ABCC5: variants seen among roughly 807,000 people sequenced by gnomAD.
The protein encoded by ABCC5 is ATP binding cassette subfamily C member 5, also known as ATP-binding cassette sub-family C member 5.
ABCC5 carries 61 observed loss-of-function variants against 160.9 expected under a neutral mutation model. That is an observed-to-expected ratio of 0.38 (90% CI 0.31 to 0.47). ABCC5 has a LOEUF of 0.47. Among genes scored for constraint, ABCC5 ranks in the 20% least tolerant of loss-of-function variants. The pLI is 0.99. For missense variants in ABCC5, 1,308 were observed against 1,813.3 expected, an observed-to-expected ratio of 0.72 and a Z score of 5.06; for synonymous variants, 666 against 700.6, an observed-to-expected ratio of 0.95 and a Z score of 0.78.
At chr3:183,989,444 G>A (rs1257565102) in intron 2 of ABCC5, 61 bp from the exon 3 acceptor site, 54 of 1,564,048 alleles carry the variant, frequency 3.5e-5, no homozygotes, top group Middle Eastern at 4.1e-4. Context: ...AGAGGCAAAC[G>A]GAACTGATGA....
chr3:183,957,896 G>A (rs10937156), intron 17 of ABCC5, among the ~76,000 whole-genome samples: 2 of 100,926 alleles, frequency 2.0e-5, no homozygotes, highest in Non-Finnish European at 4.2e-5. Flanking sequence ...ATATCACATC[G>A]GTTACATGCG....
chr3:183,973,031 C>T (rs1456424069), intron 10 of ABCC5, among the ~76,000 whole-genome samples: 6 of 147,642 alleles, frequency 4.1e-5, no homozygotes, highest in South Asian at 2.1e-4. Flanking sequence ...AGGATTTTCC[C>T]GTAAGACTTT....
chr3:183,956,520 G>T (rs1462455652), intron 17 of ABCC5, among the ~76,000 whole-genome samples: 149 of 129,150 alleles, frequency 1.2e-3, no homozygotes, highest in African/African-American at 4.5e-3. Context: ...ATATCACATC[G>T]GTTACATGCA....
At chr3:183,992,567 C>T (rs1204450769) in intron 2 of ABCC5, among the ~76,000 whole-genome samples, 2 of 152,018 alleles carry the variant, frequency 1.3e-5, no homozygotes, top group Admixed American at 6.6e-5. Context: ...GGGCGGATCA[C>T]GAGGTCAGGA....
In ABCC5 at chr3:183,927,660, AC is replaced by A. The variant is rs1712720111; in HGVS notation, c.3934-218del. The A allele has an allele frequency of 5.1e-6, 5 of 985,444 alleles. No homozygotes were observed. In the Admixed American group the frequency reaches 3.1e-4, roughly 61 times the overall value. 61.0% of individuals were successfully genotyped at this position (985,444 alleles called of 1,614,324 possible). On this transcript the variant is annotated intron_variant, in intron 27 of 29. Coordinates refer to ENST00000334444, the MANE Select transcript of ABCC5 (RefSeq NM_005688.4). ...CAATAGACTATTCTGTTAGCTTTAT[AC>A]CATTAAAACATCCCAGAAATCCCAA...
At chr3:183,964,061 G>A (rs1490523455) in intron 14 of ABCC5, among the ~76,000 whole-genome samples, 1 of 152,126 alleles carries the variant, frequency 6.6e-6, no homozygotes, top group East Asian at 1.9e-4. Flanking sequence ...CACATCCTGG[G>A]ACCTAAGCCA....
At position 183,971,550 on chromosome 3, in the gene ABCC5, G is replaced by A. The variant is rs769083683; in HGVS notation, c.1761+13C>T. On this transcript the variant is annotated intron_variant, in intron 11 of 29. Coordinates refer to ENST00000334444, the MANE Select transcript of ABCC5 (RefSeq NM_005688.4). Reference sequence around the variant, plus strand: ...TGGGGTGCGGGCAGGGAGGCAGGGGGCGGACCACTTACCTCTTGGATCTCC... The same window carrying A: ...TGGGGTGCGGGCAGGGAGGCAGGGGACGGACCACTTACCTCTTGGATCTCC... 6.2e-7 allele frequency: 1 copy of A among 1,610,390 alleles called. No individual in the cohort carries two copies. Among genetic ancestry groups the A allele is most frequent in the South Asian group, 1.1e-5 (1 of 90,596 alleles).
intron 2 of ABCC5, 36 bp from the exon 3 acceptor site, chr3:183,989,419 G>C: frequency 1.2e-6 from 2 of 1,609,744 alleles, no homozygotes; most frequent in Non-Finnish European, 1.7e-6. Context: ...CAAGAGCACA[G>C]TTAATACACA....
At chr3:184,012,642 T>C (rs1033082108) in intron 2 of ABCC5, among the ~76,000 whole-genome samples, 11 of 152,216 alleles carry the variant, frequency 7.2e-5, no homozygotes, top group Non-Finnish European at 1.3e-4. Context: ...TCTGACTTTT[T>C]CCAGACTTAA....
chr3:184,000,342 CTAAATAAA>C (rs562530266), intron 2 of ABCC5, among the ~76,000 whole-genome samples: 40 of 151,840 alleles, frequency 2.6e-4, no homozygotes, highest in African/African-American at 8.2e-4. Context: ...GACCCTGTCT[CTAAATAAA>C]TAAATAAATA....
At chr3:183,965,702 G>A (rs1717155862) in intron 12 of ABCC5, among the ~76,000 whole-genome samples, 4 of 152,156 alleles carry the variant, frequency 2.6e-5, no homozygotes, top group Admixed American at 2.6e-4. Context: ...ATGTGTGATG[G>A]GAGCTCAGCA....
chr3:183,956,534 C>CCGTGTGT (rs1716000746), intron 17 of ABCC5, among the ~76,000 whole-genome samples: 1 of 139,714 alleles, frequency 7.2e-6, no homozygotes, highest in East Asian at 2.7e-4. Flanking sequence ...ACATGCAGAT[C>CCGTGTGT]AGTGTGTATA....
chr3:183,943,454 T>A (rs1714551272), intron 24 of ABCC5, among the ~76,000 whole-genome samples: 1 of 152,230 alleles, frequency 6.6e-6, no homozygotes. Flanking sequence ...TCACCACTTC[T>A]TCTGCATCTT....
intron 23 of ABCC5, among the ~76,000 whole-genome samples, chr3:183,946,771 C>A (rs1005532902): frequency 2.0e-5 from 3 of 152,058 alleles, no homozygotes; most frequent in African/African-American, 7.2e-5. Flanking sequence ...ATTCCAATAC[C>A]ATTATTTTAG....
intron 11 of ABCC5, among the ~76,000 whole-genome samples, chr3:183,968,723 G>A (rs575637344): frequency 2.0e-5 from 3 of 152,276 alleles, no homozygotes; most frequent in South Asian, 4.1e-4. Flanking sequence ...TTACAACCCC[G>A]TGCCAGTTCA....
At chr3:183,997,951 A>G (rs899086850) in intron 2 of ABCC5, among the ~76,000 whole-genome samples, 1 of 151,864 alleles carries the variant, frequency 6.6e-6, no homozygotes, top group African/African-American at 2.4e-5. Flanking sequence ...TGTCTGGCTA[A>G]TTTTTTTATT....
rs1254259473 is a variant in ABCC5 at position 183,998,067 on chromosome 3, G to GTA, written c.130-8686_130-8685dup. ...GCTTCGGAAAGTGCTGGGATTACAG[G>GTA]TATGAGTCTCCACACCCAGCTTTTG... On this transcript the variant is annotated intron_variant, in intron 2 of 29. Transcript: ENST00000334444. Among the ~76,000 whole-genome samples the GTA allele has an allele frequency of 8.5e-5, 13 of 152,166 alleles. No individual in the cohort carries two copies. The East Asian group carries it at 2.3e-3, about 27-fold the overall frequency.
intron 18 of ABCC5, 60 bp from the exon 19 acceptor site, chr3:183,952,063 C>T: frequency 1.3e-6 from 2 of 1,557,596 alleles, no homozygotes. Flanking sequence ...AGCCCCTGCT[C>T]AGCGCCATTC....
intron 25 of ABCC5, among the ~76,000 whole-genome samples, chr3:183,941,090 C>T (rs1021142072): frequency 3.9e-5 from 6 of 152,140 alleles, no homozygotes; most frequent in South Asian, 2.1e-4. Context: ...GAACTCCTGA[C>T]GTCAGGTGAT....
Sources: gnomAD v4.1 joint callset for allele counts (sites outside exome capture counted in the v4.1 genomes callset) on GRCh38, gnomAD v4.1.1 for gene constraint, MANE v1.5 for transcripts, NCBI Gene and HGNC (gene_info 2026-07-23, HGNC 2026-07-21) for gene names.